The following SLC25A36 variants were observed in gnomAD, a reference collection of about 807,000 sequenced individuals.
SLC25A36 encodes the protein solute carrier family 25 member 36, also known as epididymis secretory sperm binding protein.
Under a neutral mutation model 35.3 loss-of-function variants are expected in SLC25A36, and 24 were observed. The ratio of observed to expected loss-of-function variants is 0.68; its 90% CI spans 0.49 to 0.96. The LOEUF (loss-of-function observed/expected upper bound fraction) is 0.96, where lower values mean the gene tolerates loss of function less well. SLC25A36 is among the 40% of genes least tolerant of loss of function. The pLI, the probability that SLC25A36 is intolerant of heterozygous loss-of-function variation, is 0.00. For missense variants in SLC25A36, 294 were observed against 381.1 expected (o/e 0.77, Z 1.90); for synonymous variants, 141 against 132.2 (o/e 1.07, Z -0.46).
At chr3:140,965,454 A>G (rs1315881537) in intron 4 of SLC25A36, 3 of 151,858 alleles carry the variant, frequency 2.0e-5, no homozygotes, top group African/African-American at 7.2e-5. Context: ...ACTGCCTGCA[A>G]GATTTTAACA....
intron 4 of SLC25A36, chr3:140,966,580 A>G (rs1338251629): frequency 1.0e-5 from 2 of 195,214 alleles, no homozygotes; most frequent in Non-Finnish European, 1.1e-5. Context: ...TTGTGTTTTC[A>G]TCTCCTTAAT....
chr3:140,968,743 AT>A, intron 4 of SLC25A36: 2 of 977,194 alleles, frequency 2.0e-6, no homozygotes, highest in Non-Finnish European at 2.4e-6. Flanking sequence ...ACTGCTTAAA[AT>A]TTATGTTTTT....
rs1935088307 is a variant in SLC25A36 at position 140,977,853 on chromosome 3, TG to T, written c.*1401del. 1.3e-5 allele frequency: 2 copies of T among 151,858 alleles called. No individual in the cohort carries two copies. The highest frequency in any genetic ancestry group is 4.2e-4 in the South Asian group (2 of 4,816). The allele number at this position is 151,858 out of a possible 1,614,324, so 9.4% of individuals were successfully genotyped here. ...TGTGCAATGGCTTTATCTAAAAGAATGACGCTTCGTGAAAGCACTTTGTGGC... is the reference window on the plus strand; with the variant it reads ...TGTGCAATGGCTTTATCTAAAAGAATACGCTTCGTGAAAGCACTTTGTGGC... On this transcript the variant is annotated 3_prime_UTR_variant, in exon 7 of 7. Transcript: ENST00000324194.
chr3:140,951,374 A>T (rs538105318), intron 1 of SLC25A36, among the ~76,000 whole-genome samples: 14 of 152,282 alleles, frequency 9.2e-5, no homozygotes, highest in African/African-American at 3.1e-4. Flanking sequence ...CCAGAGTGTC[A>T]CCCCTATACT....
At chr3:140,973,170 A>T (rs985005089) in intron 5 of SLC25A36, 2 of 152,218 alleles carry the variant, frequency 1.3e-5, no homozygotes, top group Admixed American at 6.6e-5. Context: ...AGGGAATTTG[A>T]CTTACATTCA....
chr3:140,958,012 C>T (rs759748537), intron 2 of SLC25A36, among the ~76,000 whole-genome samples: 1 of 152,090 alleles, frequency 6.6e-6, no homozygotes, highest in African/African-American at 2.4e-5. Context: ...ACTTAGTCCT[C>T]ACAGTAACCA....
intron 2 of SLC25A36, among the ~76,000 whole-genome samples, chr3:140,958,138 C>T (rs1296293457): frequency 2.0e-5 from 3 of 152,156 alleles, no homozygotes; most frequent in African/African-American, 7.2e-5. Context: ...TCTGAGAAGT[C>T]TGGCTACTCA....
chr3:140,960,987 G>A (rs931456261), intron 3 of SLC25A36, among the ~76,000 whole-genome samples: 4 of 152,164 alleles, frequency 2.6e-5, no homozygotes, highest in African/African-American at 9.7e-5. Flanking sequence ...ATTTTTCTCT[G>A]ACACCATTGC....
Position 140,978,813 on chromosome 3 carries a change from A to G in SLC25A36, c.*2360A>G, listed in dbSNP as rs1935118114. 6.6e-6 allele frequency: 1 copy of G among 152,208 alleles called. No homozygotes were observed. The highest frequency in any genetic ancestry group is 2.4e-5 in the African/African-American group (1 of 41,456). 9.4% of individuals were successfully genotyped at this position (152,208 alleles called of 1,614,324 possible). On this transcript the variant is annotated 3_prime_UTR_variant, in exon 7 of 7. Coordinates refer to ENST00000324194, the MANE Select transcript of SLC25A36 (RefSeq NM_001104647.3). ...AGTTTATGTATGACAGAGATAATTC[A>G]AAAAGGAAAACTATATATAAAAGTT... is the stretch of plus-strand genomic sequence containing the variant.
At chr3:140,964,784 T>C (rs1177112955) in intron 4 of SLC25A36, 1 of 151,924 alleles carries the variant, frequency 6.6e-6, no homozygotes, top group Non-Finnish European at 1.5e-5. Flanking sequence ...ATTTGTTATA[T>C]CAGTATAGCA....
In SLC25A36 at chr3:140,956,586, T is replaced by C; in HGVS notation, c.101T>C (p.Leu34Pro). 1 of 1,613,632 alleles carries C rather than the reference T, an allele frequency of 6.2e-7. No homozygotes were observed. The highest frequency in any genetic ancestry group is 8.5e-7 in the Non-Finnish European group (1 of 1,179,908). The change falls in exon 2 of 7, where the codon CTG (leucine) becomes CCG (proline). Residue 34 changes from leucine to proline, a missense_variant. Physicochemically the swap from Leu to Pro is moderately conservative, Grantham distance 98 (BLOSUM62 -3). Around this residue, in one of 2 missense-constraint regions of SLC25A36, gnomAD observed 185 missense variants for 201.5 expected, o/e 0.92. Coordinates refer to ENST00000324194, the MANE Select transcript of SLC25A36 (RefSeq NM_001104647.3). ...TCPLEVVKTRLQSSSVTLYIS... is the reference protein window; with the variant it reads ...TCPLEVVKTRPQSSSVTLYIS... ...CCACTGGAAGTTGTAAAAACACGAC[T>C]GCAGTCATCTTCTGTGACGCTTTAT...
chr3:140,975,123 T>TTTTTTTTTTTG (rs1935008249), intron 6 of SLC25A36, among the ~76,000 whole-genome samples: 1 of 118,884 alleles, frequency 8.4e-6, no homozygotes, highest in Non-Finnish European at 1.7e-5. Context: ...TTTTTTTTTT[T>TTTTTTTTTTTG]TTTTGATAGG....
intron 5 of SLC25A36, among the ~76,000 whole-genome samples, chr3:140,973,422 TC>T (rs1393774709): frequency 6.6e-6 from 1 of 152,132 alleles, no homozygotes; most frequent in African/African-American, 2.4e-5. Context: ...GGTGTATAGT[TC>T]CTAAAGGATT....
At chr3:140,952,780 T>G (rs1461418636) in intron 1 of SLC25A36, among the ~76,000 whole-genome samples, 1 of 152,236 alleles carries the variant, frequency 6.6e-6, no homozygotes, top group Admixed American at 6.5e-5. Flanking sequence ...AATCATGGCT[T>G]TATGTGCTCA....
intron 6 of SLC25A36, among the ~76,000 whole-genome samples, chr3:140,974,676 G>T (rs1934990511): frequency 6.6e-6 from 1 of 151,948 alleles, no homozygotes; most frequent in Admixed American, 6.6e-5. Context: ...AGCTTTTTTG[G>T]TTGTTTTAAG....
intron 2 of SLC25A36, among the ~76,000 whole-genome samples, chr3:140,958,820 A>G (rs936177704): frequency 6.6e-6 from 1 of 152,194 alleles, no homozygotes; most frequent in Non-Finnish European, 1.5e-5. Flanking sequence ...GAGTAGCATG[A>G]TCATATGAAA....
intron 3 of SLC25A36, among the ~76,000 whole-genome samples, chr3:140,962,046 G>T (rs1378334574): frequency 6.6e-6 from 1 of 151,704 alleles, no homozygotes; most frequent in African/African-American, 2.4e-5. Flanking sequence ...TTTGTCATTT[G>T]TATATCTCTC....
intron 2 of SLC25A36, among the ~76,000 whole-genome samples, chr3:140,957,498 T>C (rs566499921): frequency 1.3e-5 from 2 of 152,266 alleles, no homozygotes; most frequent in East Asian, 3.9e-4. Flanking sequence ...TCCCAGCACT[T>C]TGGGAGGCTG....
chr3:140,959,475 A>C lies in SLC25A36; in HGVS notation c.219A>C (p.Glu73Asp). The C allele has an allele frequency of 1.3e-6, 2 of 1,525,084 alleles. No homozygotes were observed. The allele number at this position is 1,525,084 out of a possible 1,614,324, so 94.5% of individuals were successfully genotyped here. A position where few individuals can be genotyped will look rare whatever the true frequency, so the allele number is the denominator to read the frequency against. The change falls in exon 3 of 7, where the codon GAA (glutamate) becomes GAC (aspartate). Residue 73 changes from glutamate to aspartate, a missense_variant. Glu to Asp is a conservative substitution (Grantham distance 45, BLOSUM62 2). Around this residue, in one of 2 missense-constraint regions of SLC25A36, gnomAD observed 185 missense variants for 201.5 expected, o/e 0.92. Coordinates refer to ENST00000324194, the MANE Select transcript of SLC25A36 (RefSeq NM_001104647.3). ...TTCTCTCTTTCAGGGTGATCTTGGAAAAAGAAGGGCCTCGTTCCTTGTTTA... is the reference window on the plus strand; with the variant it reads ...TTCTCTCTTTCAGGGTGATCTTGGACAAAGAAGGGCCTCGTTCCTTGTTTA... ...GPLHCLKVIL[E>D]KEGPRSLFRG...
Sources: gnomAD v4.1 joint callset for allele counts (sites outside exome capture counted in the v4.1 genomes callset) on GRCh38, gnomAD v4.1.1 for gene constraint, gnomAD v4.1.1 regional missense constraint, MANE v1.5 for transcripts, NCBI Gene and HGNC (gene_info 2026-07-23, HGNC 2026-07-21) for gene names.